Variants in LUZP2 observed in about 807,000 individuals in gnomAD.
LUZP2 encodes the protein leucine zipper protein 2.
Under a neutral mutation model 51.6 loss-of-function variants are expected in LUZP2, and 52 were observed. The ratio of observed to expected loss-of-function variants is 1.01; its 90% confidence interval spans 0.81 to 1.27. The LOEUF is 1.27. Among genes scored for constraint, LUZP2 ranks in the 50% most tolerant of loss-of-function variants. LUZP2 has a pLI of 0.00. For synonymous variants in LUZP2, 154 were observed against 137.3 expected (o/e 1.12, Z -0.85); for missense variants, 436 against 395.4 (o/e 1.10, Z -0.87).
chr11:24,616,617 T>A (rs546091446), intron 1 of LUZP2, among the ~76,000 whole-genome samples: 1 of 152,240 alleles, frequency 6.6e-6, no homozygotes, highest in African/African-American at 2.4e-5. Flanking sequence ...TGGACATATT[T>A]GTTTTTGTCT....
intron 8 of LUZP2, among the ~76,000 whole-genome samples, chr11:24,981,717 C>T (rs1856037074): frequency 6.6e-6 from 1 of 151,728 alleles, no homozygotes; most frequent in African/African-American, 2.4e-5. Flanking sequence ...GAGATATAGG[C>T]TAATCTGAGA....
At chr11:24,564,774 T>G (rs1302011211) in intron 1 of LUZP2, among the ~76,000 whole-genome samples, 2 of 152,200 alleles carry the variant, frequency 1.3e-5, no homozygotes, top group African/African-American at 4.8e-5. Flanking sequence ...AAAATAACAT[T>G]TGATCTAGTC....
chr11:24,693,688 G>T (rs1458086873), intron 1 of LUZP2, among the ~76,000 whole-genome samples: 1 of 151,942 alleles, frequency 6.6e-6, no homozygotes, highest in Non-Finnish European at 1.5e-5. Flanking sequence ...AAGCAGCTTA[G>T]ACTTTAGTGG....
At chr11:24,744,923 G>C (rs1018716758) in intron 4 of LUZP2, among the ~76,000 whole-genome samples, 9 of 152,008 alleles carry the variant, frequency 5.9e-5, no homozygotes, top group Non-Finnish European at 1.0e-4. Flanking sequence ...TTGTCGTTCA[G>C]TTTGAAGATT....
chr11:24,858,685 G>A lies in LUZP2; in HGVS notation c.397-47306G>A, dbSNP rs80210823. ...GAATGATAAGTCTGTGAACAATGTA[G>A]TTCTTTAGTAAAGAAGAACGTTTAT... On this transcript the variant is annotated intron_variant, in intron 5 of 11. Coordinates refer to ENST00000336930, the MANE Select transcript of LUZP2 (RefSeq NM_001009909.4). Among the ~76,000 whole-genome samples, 25 of 152,310 alleles carry A rather than the reference G, an allele frequency of 1.6e-4. 1 individual carries two copies. The East Asian group carries it at 4.4e-3, about 27-fold the overall frequency.
At chr11:24,877,828 T>C (rs1336747654) in intron 5 of LUZP2, among the ~76,000 whole-genome samples, 1 of 152,188 alleles carries the variant, frequency 6.6e-6, no homozygotes, top group Non-Finnish European at 1.5e-5. Context: ...TTTTAATTTT[T>C]AGTCCTCACA....
At chr11:25,026,272 C>G (rs982484563) in intron 9 of LUZP2, among the ~76,000 whole-genome samples, 10 of 151,478 alleles carry the variant, frequency 6.6e-5, no homozygotes, top group Admixed American at 1.3e-4. Flanking sequence ...GCACATGTAC[C>G]CTAGACCTTA....
At chr11:25,003,978 A>T (rs1055144733) in intron 9 of LUZP2, among the ~76,000 whole-genome samples, 1 of 152,190 alleles carries the variant, frequency 6.6e-6, no homozygotes, top group African/African-American at 2.4e-5. Context: ...GATTCCTCGG[A>T]TGGTAACGGA....
chr11:24,765,885 C>G (rs1039141162), intron 5 of LUZP2, among the ~76,000 whole-genome samples: 1 of 152,044 alleles, frequency 6.6e-6, no homozygotes, highest in Non-Finnish European at 1.5e-5. Flanking sequence ...CTAGGCCTCC[C>G]AAAGTGCTGG....
chr11:24,673,871 C>G (rs1856470242), intron 1 of LUZP2, among the ~76,000 whole-genome samples: 1 of 152,182 alleles, frequency 6.6e-6, no homozygotes, highest in African/African-American at 2.4e-5. Flanking sequence ...CACATATTCA[C>G]TTCCTAAACC....
intron 8 of LUZP2, among the ~76,000 whole-genome samples, chr11:24,978,536 G>A (rs1479259589): frequency 1.3e-5 from 2 of 151,644 alleles, no homozygotes; most frequent in Non-Finnish European, 3.0e-5. Context: ...CTCCCGATTT[G>A]ACTTCACATA....
At chr11:24,762,732 A>T (rs1860027728) in intron 4 of LUZP2, among the ~76,000 whole-genome samples, 1 of 152,132 alleles carries the variant, frequency 6.6e-6, no homozygotes, top group African/African-American at 2.4e-5. Flanking sequence ...AAGTGGCATA[A>T]GGTGACAGAT....
At chr11:24,777,019 G>C (rs554127916) in intron 5 of LUZP2, among the ~76,000 whole-genome samples, 1 of 138,372 alleles carries the variant, frequency 7.2e-6, no homozygotes, top group African/African-American at 2.7e-5. Flanking sequence ...TTTTAGACAA[G>C]AGTTTTGCTC....
intron 1 of LUZP2, among the ~76,000 whole-genome samples, chr11:24,551,355 T>G (rs1000852013): frequency 6.6e-6 from 1 of 152,060 alleles, no homozygotes; most frequent in Non-Finnish European, 1.5e-5. Flanking sequence ...ATATATTGTA[T>G]TATTCATTTT....
intron 7 of LUZP2, among the ~76,000 whole-genome samples, chr11:24,935,506 A>G (rs1854562618): frequency 6.6e-6 from 1 of 152,206 alleles, no homozygotes; most frequent in Admixed American, 6.5e-5. Flanking sequence ...TTTAGGTTCT[A>G]AAATTATGGA....
chr11:24,765,724 T>G (rs1436119210), intron 5 of LUZP2, among the ~76,000 whole-genome samples: 1 of 150,324 alleles, frequency 6.7e-6, no homozygotes, highest in Non-Finnish European at 1.5e-5. Flanking sequence ...GCCTCCCAGG[T>G]TCACACCATT....
intron 9 of LUZP2, among the ~76,000 whole-genome samples, chr11:25,021,516 A>T (rs1182279654): frequency 1.3e-5 from 2 of 151,842 alleles, no homozygotes; most frequent in Non-Finnish European, 2.9e-5. Context: ...GGAAACATAG[A>T]CAAAGACATA....
intron 1 of LUZP2, among the ~76,000 whole-genome samples, chr11:24,707,369 A>G (rs989242967): frequency 5.9e-5 from 9 of 151,860 alleles, no homozygotes; most frequent in Non-Finnish European, 1.2e-4. Flanking sequence ...ATGCACCATG[A>G]AGACTACCAG....
At chr11:24,505,416 G>A (rs1471156317) in intron 1 of LUZP2, among the ~76,000 whole-genome samples, 1 of 152,118 alleles carries the variant, frequency 6.6e-6, no homozygotes, top group Non-Finnish European at 1.5e-5. Flanking sequence ...AAATGTCAAT[G>A]AACATCTCTT....
Sources: gnomAD v4.1 joint callset for allele counts (sites outside exome capture counted in the v4.1 genomes callset) on GRCh38, gnomAD v4.1.1 for gene constraint, MANE v1.5 for transcripts, NCBI Gene and HGNC (gene_info 2026-07-23, HGNC 2026-07-21) for gene names.